The following ZCWPW2 variants were observed in gnomAD, a reference collection of about 807,000 sequenced individuals.
The protein encoded by ZCWPW2 is zinc finger CW-type and PWWP domain containing 2.
Under a neutral mutation model 46.6 loss-of-function variants are expected in ZCWPW2, and 45 were observed. That is an observed-to-expected ratio of 0.96 (90% CI 0.76 to 1.24). The LOEUF (loss-of-function observed/expected upper bound fraction) is 1.24, where lower values mean the gene tolerates loss of function less well. Among genes scored for constraint, ZCWPW2 ranks in the 50% most tolerant of loss-of-function variants. The pLI is 0.00. For missense variants in ZCWPW2, 429 were observed against 403.9 expected (o/e 1.06, Z -0.53); for synonymous variants, 152 against 137.1 (o/e 1.11, Z -0.76).
intron 6 of ZCWPW2, among the ~76,000 whole-genome samples, chr3:28,506,690 T>C (rs1700287850): frequency 6.6e-6 from 1 of 152,146 alleles, no homozygotes; most frequent in African/African-American, 2.4e-5. Flanking sequence ...ATTTCTATCC[T>C]ATATTACTAT....
rs201416870 is a variant in ZCWPW2 at position 28,373,453 on chromosome 3, G to GT, written c.-133-17036dup. ...TATACCTATTGGCCATTTGTATGTT[G>GT]TTTTTTTTTGTTTGTTTGTTTGTTT... On this transcript the variant is annotated intron_variant, in intron 1 of 9. Transcript: ENST00000383768. 5.2e-3 allele frequency among the ~76,000 whole-genome samples: 777 copies of GT among 150,354 alleles called. 6 individuals are homozygous for GT. The highest frequency in any genetic ancestry group is 8.8e-3 in the African/African-American group (360 of 41,002).
chr3:28,407,612 A>C (rs1281404821), intron 2 of ZCWPW2, among the ~76,000 whole-genome samples: 1 of 152,212 alleles, frequency 6.6e-6, no homozygotes, highest in Non-Finnish European at 1.5e-5. Context: ...TGTCTGGCTG[A>C]AAATTGAGTG....
At chr3:28,474,881 T>TGCA (rs1311741432) in intron 4 of ZCWPW2, among the ~76,000 whole-genome samples, 5 of 152,012 alleles carry the variant, frequency 3.3e-5, no homozygotes, top group Non-Finnish European at 7.4e-5. Context: ...CAGGCTAGAG[T>TGCA]GCAGTGGCAG....
chr3:28,446,332 G>A (rs1035251684), intron 4 of ZCWPW2, among the ~76,000 whole-genome samples: 5 of 151,872 alleles, frequency 3.3e-5, no homozygotes, highest in South Asian at 2.1e-4. Flanking sequence ...GTATTATCTC[G>A]GACCACAATG....
At chr3:28,519,119 C>T (rs1700654158) in intron 8 of ZCWPW2, among the ~76,000 whole-genome samples, 1 of 152,164 alleles carries the variant, frequency 6.6e-6, no homozygotes, top group Non-Finnish European at 1.5e-5. Context: ...CCCTAGAACA[C>T]AGATCTATGT....
intron 1 of ZCWPW2, among the ~76,000 whole-genome samples, chr3:28,371,891 G>C (rs1705345372): frequency 6.6e-6 from 1 of 151,864 alleles, no homozygotes; most frequent in African/African-American, 2.4e-5. Flanking sequence ...GTCTTTGCCA[G>C]TTTCTTCTTC....
intron 2 of ZCWPW2, among the ~76,000 whole-genome samples, chr3:28,392,046 A>T (rs1695513820): frequency 6.6e-6 from 1 of 152,212 alleles, no homozygotes; most frequent in Non-Finnish European, 1.5e-5. Flanking sequence ...AGCTGGATGG[A>T]TTTGTTTTAA....
At chr3:28,506,958 C>A (rs754242383) in intron 6 of ZCWPW2, among the ~76,000 whole-genome samples, 1 of 152,068 alleles carries the variant, frequency 6.6e-6, no homozygotes, top group Non-Finnish European at 1.5e-5. Context: ...TATTTTTTGG[C>A]ATCATTTAAC....
At chr3:28,388,238 T>A (rs1695350868) in intron 1 of ZCWPW2, among the ~76,000 whole-genome samples, 1 of 152,156 alleles carries the variant, frequency 6.6e-6, no homozygotes, top group Non-Finnish European at 1.5e-5. Flanking sequence ...CAAAAACACC[T>A]TCACAGAAAT....
At chr3:28,349,593 T>G (rs780115810) in intron 1 of ZCWPW2, among the ~76,000 whole-genome samples, 15 of 151,986 alleles carry the variant, frequency 9.9e-5, no homozygotes, top group Non-Finnish European at 1.8e-4. Flanking sequence ...TTCCCTGGAG[T>G]TGCCACCACC....
At chr3:28,441,464 A>G (rs1047259589) in intron 4 of ZCWPW2, among the ~76,000 whole-genome samples, 2 of 152,006 alleles carry the variant, frequency 1.3e-5, no homozygotes, top group African/African-American at 2.4e-5. Flanking sequence ...ACCATTCACA[A>G]CTCTCCTTCA....
intron 2 of ZCWPW2, among the ~76,000 whole-genome samples, chr3:28,391,005 AG>A (rs1695465638): frequency 1.3e-5 from 2 of 152,154 alleles, no homozygotes; most frequent in Non-Finnish European, 2.9e-5. Flanking sequence ...AGGCTAGACT[AG>A]GGCCCCAGAT....
At chr3:28,373,106 T>A (rs576501711) in intron 1 of ZCWPW2, among the ~76,000 whole-genome samples, 1 of 152,318 alleles carries the variant, frequency 6.6e-6, no homozygotes, top group East Asian at 1.9e-4. Context: ...TTGTGAATAG[T>A]GCTACAATAA....
chr3:28,445,580 G>A (rs192472036), intron 4 of ZCWPW2, among the ~76,000 whole-genome samples: 22 of 152,140 alleles, frequency 1.4e-4, no homozygotes, highest in Non-Finnish European at 1.2e-4. Context: ...GAATTTAAAT[G>A]TTTCAGTATA....
At chr3:28,351,578 TTGTC>T (rs1299474785) in intron 1 of ZCWPW2, 1 of 151,700 alleles carries the variant, frequency 6.6e-6, no homozygotes, top group Non-Finnish European at 1.5e-5. Context: ...AATGAGGACT[TTGTC>T]TATATCTGAG....
intron 1 of ZCWPW2, among the ~76,000 whole-genome samples, chr3:28,368,987 C>T (rs1025126543): frequency 1.3e-4 from 20 of 152,218 alleles, no homozygotes; most frequent in Admixed American, 9.8e-4. Context: ...ACGTAGTTCT[C>T]GTGCCATGGT....
intron 1 of ZCWPW2, among the ~76,000 whole-genome samples, chr3:28,386,009 C>G (rs143977584): frequency 6.6e-6 from 1 of 150,498 alleles, no homozygotes; most frequent in Non-Finnish European, 1.5e-5. Context: ...TTATATTTCT[C>G]ATACAATTTA....
chr3:28,456,144 CCT>C (rs1468002403), intron 4 of ZCWPW2, among the ~76,000 whole-genome samples: 18 of 152,156 alleles, frequency 1.2e-4, no homozygotes, highest in African/African-American at 3.9e-4. Flanking sequence ...TTGTTTCTGT[CCT>C]CTCTGATTTC....
At chr3:28,487,841 TC>T (rs1699657587) in intron 5 of ZCWPW2, among the ~76,000 whole-genome samples, 1 of 152,078 alleles carries the variant, frequency 6.6e-6, no homozygotes, top group African/African-American at 2.4e-5. Flanking sequence ...CCCTTTTTTT[TC>T]TTCACCTACA....
Sources: allele counts gnomAD v4.1 joint callset (sites outside exome capture counted in the v4.1 genomes callset), GRCh38; gene constraint gnomAD v4.1.1; transcripts MANE v1.5; gene names NCBI Gene and HGNC (gene_info 2026-07-23, HGNC 2026-07-21).